UNC13C: variants seen among roughly 807,000 people sequenced by gnomAD.
The protein encoded by UNC13C is protein unc-13 homolog C.
UNC13C carries 174 observed loss-of-function variants against 245.4 expected under a neutral mutation model. The observed-to-expected ratio is 0.71, with a 90% confidence interval of 0.63 to 0.80. UNC13C has a LOEUF of 0.80. Among genes scored for constraint, UNC13C ranks in the 30% least tolerant of loss-of-function variants. UNC13C has a pLI of 0.00. For missense variants in UNC13C, 2,829 were observed against 2,602.9 expected (o/e 1.09, Z -1.89); for synonymous variants, 992 against 895.1 (o/e 1.11, Z -1.93).
chr15:54,447,599 C>T (rs1890891195), intron 19 of UNC13C, among the ~76,000 whole-genome samples: 1 of 152,212 alleles, frequency 6.6e-6, no homozygotes, highest in Non-Finnish European at 1.5e-5. Context: ...GTTTGTATTT[C>T]TGTGGGATCG....
At chr15:54,061,851 C>T (rs1897851535) in intron 2 of UNC13C, among the ~76,000 whole-genome samples, 2 of 152,108 alleles carry the variant, frequency 1.3e-5, no homozygotes, top group African/African-American at 4.8e-5. Context: ...GACTTTCTTT[C>T]CCCTTCATTC....
At chr15:54,466,669 C>T (rs1160121293) in intron 19 of UNC13C, among the ~76,000 whole-genome samples, 2 of 151,870 alleles carry the variant, frequency 1.3e-5, no homozygotes, top group Non-Finnish European at 3.0e-5. Context: ...CAGACCCCAC[C>T]CACACACACA....
intron 19 of UNC13C, among the ~76,000 whole-genome samples, chr15:54,440,115 G>A (rs1278524631): frequency 6.6e-6 from 1 of 151,800 alleles, no homozygotes; most frequent in Non-Finnish European, 1.5e-5. Flanking sequence ...GATAGTGAGC[G>A]AGTTCTCACA....
At chr15:54,163,564 T>C (rs1342372172) in intron 4 of UNC13C, among the ~76,000 whole-genome samples, 1 of 152,218 alleles carries the variant, frequency 6.6e-6, no homozygotes, top group Non-Finnish European at 1.5e-5. Flanking sequence ...TACTTCTTTT[T>C]CATTACCTTC....
intron 2 of UNC13C, among the ~76,000 whole-genome samples, chr15:54,087,725 A>T (rs1436975688): frequency 1.3e-5 from 2 of 152,118 alleles, no homozygotes; most frequent in Non-Finnish European, 2.9e-5. Context: ...GCAAAAGAGG[A>T]TTGTTACTGA....
intron 13 of UNC13C, among the ~76,000 whole-genome samples, chr15:54,303,640 T>C (rs1023105581): frequency 7.3e-6 from 1 of 136,748 alleles, no homozygotes; most frequent in African/African-American, 2.6e-5. Context: ...TTTTTTTTTT[T>C]CCAGTTAATT....
intron 4 of UNC13C, among the ~76,000 whole-genome samples, chr15:54,163,567 T>C (rs1296428637): frequency 6.6e-6 from 1 of 152,224 alleles, no homozygotes; most frequent in Non-Finnish European, 1.5e-5. Context: ...TTCTTTTTCA[T>C]TACCTTCTTC....
chr15:54,585,401 C>T (rs996815254), intron 30 of UNC13C, among the ~76,000 whole-genome samples: 2 of 152,104 alleles, frequency 1.3e-5, no homozygotes, highest in Non-Finnish European at 2.9e-5. Context: ...TGTAATCTAC[C>T]TTAGGCCTCA....
rs187694521 is a variant in UNC13C, at chr15:54,216,708, C to A, written c.3072-18322C>A. ...AGTTCAGTATTTTATTAATACATGCCCAGAGTGAGCGAGATGAAAGACATT... is the reference window on the plus strand; with the variant it reads ...AGTTCAGTATTTTATTAATACATGCACAGAGTGAGCGAGATGAAAGACATT... On this transcript the variant is annotated intron_variant, in intron 4 of 32. Transcript: ENST00000260323. 3.1e-3 allele frequency among the ~76,000 whole-genome samples: 469 copies of A among 151,878 alleles called. 1 individual carries two copies. Among genetic ancestry groups the A allele is most frequent in the African/African-American group, 0.011 (451 of 41,468 alleles).
rs182051380 is a variant in UNC13C, at chr15:54,502,264, G to A, written c.5301+1286G>A. ...AAACTTGTATGGAAGGGCCAAAGCT[G>A]CAAACAACTATGACAAAGTCAAATG... On this transcript the variant is annotated intron_variant, in intron 22 of 32. Coordinates refer to ENST00000260323, the MANE Select transcript of UNC13C (RefSeq NM_001080534.3). 1.8e-3 allele frequency among the ~76,000 whole-genome samples: 273 copies of A among 152,188 alleles called. 2 individuals carry two copies. Among genetic ancestry groups the A allele is most frequent in the Admixed American group, 0.014 (220 of 15,252 alleles).
At chr15:54,549,280 T>G (rs1896628472) in intron 27 of UNC13C, among the ~76,000 whole-genome samples, 1 of 152,182 alleles carries the variant, frequency 6.6e-6, no homozygotes, top group Admixed American at 6.5e-5. Flanking sequence ...TTTGCATACA[T>G]TTATTTTTGC....
At chr15:54,313,764 A>G (rs1393943709) in intron 13 of UNC13C, among the ~76,000 whole-genome samples, 3 of 151,798 alleles carry the variant, frequency 2.0e-5, no homozygotes, top group African/African-American at 4.8e-5. Context: ...TACAAGTAAT[A>G]CACAATATTG....
At chr15:54,512,968 G>C (rs1894816768) in intron 24 of UNC13C, among the ~76,000 whole-genome samples, 1 of 152,138 alleles carries the variant, frequency 6.6e-6, no homozygotes, top group South Asian at 2.1e-4. Flanking sequence ...ATATATGTGT[G>C]ATGATGCAAA....
At chr15:54,186,465 T>C (rs2033987553) in intron 4 of UNC13C, among the ~76,000 whole-genome samples, 1 of 152,210 alleles carries the variant, frequency 6.6e-6, no homozygotes, top group Non-Finnish European at 1.5e-5. Context: ...TAACTGTATG[T>C]AATCAATTGG....
intron 13 of UNC13C, among the ~76,000 whole-genome samples, chr15:54,306,370 A>C (rs1157941782): frequency 6.6e-6 from 1 of 151,996 alleles, no homozygotes; most frequent in Non-Finnish European, 1.5e-5. Context: ...AAATAAAAAC[A>C]ATTTTCTAAC....
intron 19 of UNC13C, among the ~76,000 whole-genome samples, chr15:54,475,813 GTA>G (rs1483743210): frequency 1.7e-5 from 2 of 115,630 alleles, no homozygotes; most frequent in African/African-American, 6.3e-5. Flanking sequence ...AGTCCTTTGG[GTA>G]TATACCCAGT....
intron 17 of UNC13C, among the ~76,000 whole-genome samples, chr15:54,354,739 A>G (rs1031275369): frequency 1.3e-5 from 2 of 152,232 alleles, no homozygotes; most frequent in South Asian, 2.1e-4. Context: ...ACTGTTACTC[A>G]AAGAAAACAA....
intron 10 of UNC13C, among the ~76,000 whole-genome samples, chr15:54,270,403 G>A (rs550739062): frequency 6.6e-6 from 1 of 152,224 alleles, no homozygotes; most frequent in African/African-American, 2.4e-5. Flanking sequence ...CTGAGCTTTA[G>A]CTTGTCTAAT....
At chr15:54,158,003 T>A (rs1266681301) in intron 4 of UNC13C, among the ~76,000 whole-genome samples, 1 of 152,196 alleles carries the variant, frequency 6.6e-6, no homozygotes, top group Non-Finnish European at 1.5e-5. Context: ...ACTCCAGCCC[T>A]CTACTTGGCA....
Sources: allele counts gnomAD v4.1 joint callset (sites outside exome capture counted in the v4.1 genomes callset), GRCh38; gene constraint gnomAD v4.1.1; transcripts MANE v1.5; gene names NCBI Gene and HGNC (gene_info 2026-07-23, HGNC 2026-07-21).